The following ANKS1A variants were observed in gnomAD, a reference collection of about 807,000 sequenced individuals.
The protein encoded by ANKS1A is ankyrin repeat and sterile alpha motif domain containing 1A, also known as ankyrin repeat and SAM domain-containing protein 1A.
A neutral mutation model predicts 120.3 loss-of-function variants in ANKS1A; 55 were observed. The ratio of observed to expected loss-of-function variants is 0.46; its 90% CI spans 0.37 to 0.57. The LOEUF (loss-of-function observed/expected upper bound fraction) is 0.57. ANKS1A is among the 20% of genes least tolerant of loss of function. ANKS1A has a pLI of 0.00. For synonymous variants in ANKS1A, 590 were observed against 604.7 expected (o/e 0.98, Z 0.36); for missense variants, 1,123 against 1,480.3 (o/e 0.76, Z 3.96).
At chr6:34,930,316 A>G (rs952058402) in intron 1 of ANKS1A, among the ~76,000 whole-genome samples, 1 of 152,218 alleles carries the variant, frequency 6.6e-6, no homozygotes, top group Non-Finnish European at 1.5e-5. Context: ...AGGCTCAGCA[A>G]CATAAGTAGA....
chr6:35,083,702 C>T (rs1194885444), intron 20 of ANKS1A, among the ~76,000 whole-genome samples, 199 bp downstream of exon 20: 1 of 152,168 alleles, frequency 6.6e-6, no homozygotes, highest in Admixed American at 6.5e-5. Flanking sequence ...CAGCCCCGTC[C>T]CCGCCCTAGT....
intron 1 of ANKS1A, among the ~76,000 whole-genome samples, chr6:34,905,117 T>A (rs536653562): frequency 2.5e-3 from 381 of 152,382 alleles, no homozygotes; most frequent in African/African-American, 8.6e-3. Context: ...GGTCAACGTC[T>A]GATTTTCTAT....
chr6:34,905,928 C>G (rs1767624761), intron 1 of ANKS1A, among the ~76,000 whole-genome samples: 1 of 152,150 alleles, frequency 6.6e-6, no homozygotes, highest in Non-Finnish European at 1.5e-5. Context: ...TGCTTGAACT[C>G]TGAAGGGAAG....
At chr6:35,053,319 G>A (rs1474209553) in intron 11 of ANKS1A, among the ~76,000 whole-genome samples, 1 of 152,264 alleles carries the variant, frequency 6.6e-6, no homozygotes, top group African/African-American at 2.4e-5. Flanking sequence ...AGGGGGCCTG[G>A]ATCTGGCCCA....
intron 9 of ANKS1A, among the ~76,000 whole-genome samples, chr6:34,990,616 G>A (rs780382731): frequency 4.0e-5 from 6 of 151,776 alleles, no homozygotes; most frequent in Non-Finnish European, 7.4e-5. Context: ...TAATGCTTGG[G>A]CAAGGCTCTT....
At chr6:34,976,490 A>G (rs1000500158) in intron 3 of ANKS1A, among the ~76,000 whole-genome samples, 1 of 152,182 alleles carries the variant, frequency 6.6e-6, no homozygotes, top group Non-Finnish European at 1.5e-5. Context: ...ATGAGTAACA[A>G]TCAAATTAAT....
Position 34,889,703 on chromosome 6 carries a change from G to A in ANKS1A, c.197+104G>A, listed in dbSNP as rs1561829451. 1.7e-6 allele frequency: 2 copies of A among 1,174,160 alleles called. No homozygotes were observed. Among genetic ancestry groups the A allele is most frequent in the Non-Finnish European group, 2.1e-6 (2 of 952,688 alleles). 72.7% of individuals were successfully genotyped at this position (1,174,160 alleles called of 1,614,324 possible). ...GGGGTCCTGAGACTCGGGCGGGGTG[G>A]GCTTGTGGCGTGCCCGGGGCGAGGC... is the stretch of plus-strand genomic sequence containing the variant. On this transcript the variant is annotated intron_variant, in intron 1 of 23. Transcript: ENST00000360359. The surrounding 1 kb of genome is among the most constrained non-coding windows in gnomAD (Gnocchi z 5.5).
At chr6:34,969,756 A>G (rs1771086749) in intron 2 of ANKS1A, among the ~76,000 whole-genome samples, 1 of 152,218 alleles carries the variant, frequency 6.6e-6, no homozygotes, top group Non-Finnish European at 1.5e-5. Flanking sequence ...TAGAAAACAG[A>G]CGGATTACCA....
intron 10 of ANKS1A, among the ~76,000 whole-genome samples, chr6:35,004,512 T>C (rs1773342740): frequency 6.6e-6 from 1 of 152,144 alleles, no homozygotes; most frequent in Admixed American, 6.5e-5. Context: ...ATCTTATTAG[T>C]ATATGCTCAC....
Position 35,086,738 on chromosome 6 carries a change from G to A in ANKS1A, c.3304-214G>A, listed in dbSNP as rs1330145968. ...CTGAGCAATCCCAAGAAATCCCGGA[G>A]AGAAGCTGTGCCTGGAGGTGGCCCT... On this transcript the variant is annotated intron_variant, in intron 22 of 23. Coordinates refer to ENST00000360359, the MANE Select transcript of ANKS1A (RefSeq NM_015245.3). This position sits in a 1 kb window ranked among gnomAD's most constrained non-coding sequence, Gnocchi z 5.1. Among the ~76,000 whole-genome samples, 1 of 152,194 alleles carries A rather than the reference G, an allele frequency of 6.6e-6. No homozygotes were observed. Among genetic ancestry groups the A allele is most frequent in the African/African-American group, 2.4e-5 (1 of 41,452 alleles).
intron 13 of ANKS1A, among the ~76,000 whole-genome samples, chr6:35,074,531 T>C (rs927836320): frequency 1.3e-5 from 2 of 151,946 alleles, no homozygotes; most frequent in African/African-American, 4.8e-5. Flanking sequence ...CAGGTCAAGG[T>C]TGCAGTGAGC....
chr6:34,895,515 G>A (rs1767025379), intron 1 of ANKS1A, among the ~76,000 whole-genome samples: 1 of 152,018 alleles, frequency 6.6e-6, no homozygotes, highest in Non-Finnish European at 1.5e-5. Context: ...CCACTACTGT[G>A]CCAGATTTCT....
chr6:35,079,096 C>G (rs1398929087), intron 14 of ANKS1A, among the ~76,000 whole-genome samples: 1 of 152,220 alleles, frequency 6.6e-6, no homozygotes, highest in Non-Finnish European at 1.5e-5. Context: ...GCTGGTGGGC[C>G]TGAGCCTCTC....
chr6:35,040,268 C>T (rs1046727911), intron 11 of ANKS1A, among the ~76,000 whole-genome samples: 6 of 152,196 alleles, frequency 3.9e-5, no homozygotes, highest in African/African-American at 1.2e-4. Context: ...CTATTTAGCC[C>T]CTCCGAGCCT....
At position 34,941,197 on chromosome 6, in the gene ANKS1A, G is replaced by A. The variant is rs1199809667; in HGVS notation, c.198-26042G>A. 4.6e-5 allele frequency among the ~76,000 whole-genome samples: 7 copies of A among 152,044 alleles called. No individual in the cohort carries two copies. The East Asian group carries it at 7.8e-4, about 17-fold the overall frequency. On this transcript the variant is annotated intron_variant, in intron 1 of 23. Coordinates refer to ENST00000360359, the MANE Select transcript of ANKS1A (RefSeq NM_015245.3). The stretch of plus-strand genomic sequence containing the variant: ...GAGACAGGGTTTCACCATGTTGGTC[G>A]GGCTGGTCTTGAACTCCTGACCTTG...
At chr6:35,084,000 G>A in intron 20 of ANKS1A, 121 bp from the exon 21 acceptor site, 4 of 1,451,526 alleles carry the variant, frequency 2.8e-6, no homozygotes, top group South Asian at 2.7e-5. Context: ...GAAGATGAAG[G>A]GGGGTTTGCT....
intron 10 of ANKS1A, among the ~76,000 whole-genome samples, chr6:35,016,187 C>T (rs541704248): frequency 1.8e-4 from 27 of 152,352 alleles, no homozygotes; most frequent in African/African-American, 6.0e-4. Context: ...TCAGCCAGGA[C>T]CAGAGCCAGA....
intron 1 of ANKS1A, among the ~76,000 whole-genome samples, chr6:34,910,529 A>G (rs1767856245): frequency 1.3e-5 from 2 of 151,788 alleles, no homozygotes; most frequent in Admixed American, 6.6e-5. Context: ...CTACTACTAC[A>G]CTCCAGCCTG....
At chr6:35,010,795 G>A (rs368340546) in intron 10 of ANKS1A, among the ~76,000 whole-genome samples, 73 of 152,278 alleles carry the variant, frequency 4.8e-4, no homozygotes, top group Middle Eastern at 3.4e-3. Context: ...ATTTTTACAT[G>A]GTGTTGAGAG....
Sources: gnomAD v4.1 joint callset for allele counts (sites outside exome capture counted in the v4.1 genomes callset) on GRCh38, gnomAD v4.1.1 for gene constraint, Gnocchi (gnomAD v3.1) non-coding constraint, MANE v1.5 for transcripts, NCBI Gene and HGNC (gene_info 2026-07-23, HGNC 2026-07-21) for gene names.